Variants in PEX5L observed in about 807,000 individuals in gnomAD.
PEX5L encodes the protein PEX5-related protein.
PEX5L carries 30 observed loss-of-function variants against 84.0 expected under a neutral mutation model. The observed-to-expected ratio is 0.36, with a 90% CI of 0.27 to 0.48. The LOEUF (loss-of-function observed/expected upper bound fraction) is 0.48. Among genes scored for constraint, PEX5L ranks in the 20% least tolerant of loss-of-function variants. The pLI is 0.99. For missense variants in PEX5L, 533 were observed against 754.6 expected (o/e 0.71, Z 3.44); for synonymous variants, 270 against 283.1 (o/e 0.95, Z 0.46).
chr3:179,860,933 C>T (rs1052690425), intron 7 of PEX5L, among the ~76,000 whole-genome samples: 1 of 152,148 alleles, frequency 6.6e-6, no homozygotes, highest in African/African-American at 2.4e-5. Flanking sequence ...CCAGTCATAC[C>T]AGGAAGACAG....
At chr3:179,870,571 A>G (rs1749954559) in intron 7 of PEX5L, among the ~76,000 whole-genome samples, 1 of 152,152 alleles carries the variant, frequency 6.6e-6, no homozygotes, top group African/African-American at 2.4e-5. Flanking sequence ...AACCTATTAC[A>G]GTTACCAGGC....
At chr3:180,003,352 C>G (rs181847650) in intron 1 of PEX5L, among the ~76,000 whole-genome samples, 2 of 151,406 alleles carry the variant, frequency 1.3e-5, no homozygotes, top group Admixed American at 1.3e-4. Flanking sequence ...TTGTAAAAGA[C>G]TGTCTAATTT....
In PEX5L at chr3:179,868,357, CT is replaced by C; in HGVS notation, c.726+5969del. ...TTCAAATAATATATAAAAATATAAT[CT>C]CATATTACACATAGGAAGTAGGTAT... On this transcript the variant is annotated intron_variant, in intron 7 of 14. Transcript: ENST00000467460. Among the ~76,000 whole-genome samples, 3 of 152,072 alleles carry C rather than the reference CT, an allele frequency of 2.0e-5. 1 individual carries two copies. The Middle Eastern group carries it at 0.01, about 517-fold the overall frequency.
intron 2 of PEX5L, among the ~76,000 whole-genome samples, chr3:179,931,648 A>AT (rs930350991): frequency 1.3e-5 from 2 of 151,934 alleles, no homozygotes; most frequent in Non-Finnish European, 2.9e-5. Context: ...ACTTGCTATA[A>AT]TTTTTTTTCT....
chr3:180,025,470 T>G (rs1790860835), intron 1 of PEX5L, among the ~76,000 whole-genome samples: 1 of 152,192 alleles, frequency 6.6e-6, no homozygotes, highest in East Asian at 1.9e-4. Flanking sequence ...AAATAAATAA[T>G]TAAAGCTATA....
intron 2 of PEX5L, among the ~76,000 whole-genome samples, chr3:179,955,212 G>A (rs773068856): frequency 6.6e-6 from 1 of 152,100 alleles, no homozygotes; most frequent in African/African-American, 2.4e-5. Context: ...TTCTAAATAA[G>A]GAAGAATAAT....
intron 2 of PEX5L, among the ~76,000 whole-genome samples, chr3:179,952,915 T>C (rs1043482827): frequency 6.4e-4 from 97 of 152,036 alleles, no homozygotes; most frequent in East Asian, 1.9e-4. Flanking sequence ...TATAGACCAA[T>C]GGAACAGAAC....
At chr3:180,024,677 CAT>C (rs949427900) in intron 1 of PEX5L, among the ~76,000 whole-genome samples, 19 of 151,706 alleles carry the variant, frequency 1.3e-4, no homozygotes, top group African/African-American at 3.4e-4. Context: ...TGAAAAGCTG[CAT>C]GTGTGTGTGT....
At chr3:179,948,509 TAAG>T (rs1427555813) in intron 2 of PEX5L, among the ~76,000 whole-genome samples, 12 of 152,174 alleles carry the variant, frequency 7.9e-5, no homozygotes, top group Non-Finnish European at 1.5e-4. Context: ...AGAAGATGAA[TAAG>T]AAGATAAACA....
chr3:179,999,223 T>C (rs935239714), intron 1 of PEX5L, among the ~76,000 whole-genome samples: 2 of 152,194 alleles, frequency 1.3e-5, no homozygotes, highest in Non-Finnish European at 2.9e-5. Flanking sequence ...CCTCTCTGAA[T>C]GGTCAAAAAC....
At chr3:179,886,045 C>A (rs1441765771) in intron 4 of PEX5L, among the ~76,000 whole-genome samples, 1 of 152,160 alleles carries the variant, frequency 6.6e-6, no homozygotes, top group African/African-American at 2.4e-5. Context: ...TATGTTAGAA[C>A]AATCAAGCTG....
chr3:179,959,907 T>A (rs1781588673), intron 2 of PEX5L, among the ~76,000 whole-genome samples: 1 of 152,188 alleles, frequency 6.6e-6, no homozygotes, highest in South Asian at 2.1e-4. Flanking sequence ...TAACTATGTG[T>A]TTTCCTCCAA....
intron 3 of PEX5L, chr3:179,888,103 C>A (rs1756471513): frequency 7.1e-6 from 9 of 1,268,094 alleles, no homozygotes; most frequent in Non-Finnish European, 9.3e-6. Context: ...TTGCTAAGGG[C>A]CAATCCCACT....
At chr3:179,903,744 A>T (rs1428548061) in intron 2 of PEX5L, among the ~76,000 whole-genome samples, 1 of 152,212 alleles carries the variant, frequency 6.6e-6, no homozygotes, top group Non-Finnish European at 1.5e-5. Flanking sequence ...GGTCAGGGCA[A>T]TATTTTGCAG....
intron 8 of PEX5L, among the ~76,000 whole-genome samples, chr3:179,846,979 C>A (rs1171204816): frequency 1.3e-5 from 2 of 151,184 alleles, no homozygotes; most frequent in African/African-American, 4.9e-5. Flanking sequence ...GATAATAAAT[C>A]TAAATATGGA....
Position 179,892,262 on chromosome 3 carries a change from C to A in PEX5L, c.199-4478G>T, listed in dbSNP as rs181356913. Among the ~76,000 whole-genome samples the A allele has an allele frequency of 1.5e-3, 225 of 152,218 alleles. 7 individuals are homozygous for A. The South Asian group carries it at 0.045, about 30-fold the overall frequency. On this transcript the variant is annotated intron_variant, in intron 3 of 14. Transcript: ENST00000467460. ...TCAATATTTGGATCAGTTCAAAGAACCTTCTATAATGGTGACAGATTCTTA... is the reference window on the plus strand; with the variant it reads ...TCAATATTTGGATCAGTTCAAAGAAACTTCTATAATGGTGACAGATTCTTA...
intron 4 of PEX5L, chr3:179,880,905 T>C (rs928909554): frequency 2.6e-5 from 4 of 152,364 alleles, no homozygotes; most frequent in African/African-American, 9.6e-5. Context: ...AACCAGTGTT[T>C]GACTAGCTCA....
intron 2 of PEX5L, among the ~76,000 whole-genome samples, chr3:179,922,451 C>CTTTTTT (rs35332742): frequency 1.5e-5 from 2 of 134,046 alleles, no homozygotes; most frequent in African/African-American, 2.7e-5. Context: ...CTTTTCTTTT[C>CTTTTTT]TTTTTTTTTT....
chr3:180,029,918 T>C lies in PEX5L; in HGVS notation c.21+6661A>G, dbSNP rs114294138. On this transcript the variant is annotated intron_variant, in intron 1 of 14. Coordinates refer to ENST00000467460, the MANE Select transcript of PEX5L (RefSeq NM_016559.3). ...GCATGCACGTTACAGTTAACAACCA[T>C]GTGAAGGGAGGTGAAGGGGTGCTTT... is the stretch of plus-strand genomic sequence containing the variant. 9.4e-3 allele frequency among the ~76,000 whole-genome samples: 1,427 copies of C among 152,290 alleles called. 35 individuals carry two copies. Among genetic ancestry groups the C allele is most frequent in the African/African-American group, 0.032 (1,327 of 41,552 alleles).
Sources: gnomAD v4.1 joint callset for allele counts (sites outside exome capture counted in the v4.1 genomes callset) on GRCh38, gnomAD v4.1.1 for gene constraint, MANE v1.5 for transcripts, NCBI Gene and HGNC (gene_info 2026-07-23, HGNC 2026-07-21) for gene names.